The following ZBTB20 variants were observed in gnomAD, a reference collection of about 807,000 sequenced individuals.
The protein encoded by ZBTB20 is zinc finger and BTB domain-containing protein 20.
ZBTB20 carries 9 observed loss-of-function variants against 56.9 expected under a neutral mutation model. The ratio of observed to expected loss-of-function variants is 0.16; its 90% CI spans 0.10 to 0.28. The LOEUF is 0.28. Ranked by LOEUF, ZBTB20 falls within the 10% of genes least tolerant of loss-of-function variation. The pLI is 1.00. For synonymous variants in ZBTB20, 417 were observed against 420.7 expected, an observed-to-expected ratio of 0.99 and a Z score of 0.11; for missense variants, 655 against 1,003.0, an observed-to-expected ratio of 0.65 and a Z score of 4.69.
chr3:114,458,227 G>A (rs969096361), intron 7 of ZBTB20, among the ~76,000 whole-genome samples: 2 of 152,092 alleles, frequency 1.3e-5, no homozygotes, highest in Non-Finnish European at 2.9e-5. Flanking sequence ...TAATTACATC[G>A]TGTCTCTTTA....
At chr3:114,615,246 TTTTCC>T (rs1470191173) in intron 6 of ZBTB20, among the ~76,000 whole-genome samples, 62 of 152,356 alleles carry the variant, frequency 4.1e-4, no homozygotes, top group African/African-American at 1.4e-3. Flanking sequence ...TATAAATGTA[TTTTCC>T]TTAGAGTATA....
intron 6 of ZBTB20, among the ~76,000 whole-genome samples, chr3:114,622,564 T>C (rs1358077016): frequency 6.6e-6 from 1 of 152,192 alleles, no homozygotes; most frequent in East Asian, 1.9e-4. Context: ...CTGACAAACC[T>C]GATAAGGCTG....
intron 1 of ZBTB20, among the ~76,000 whole-genome samples, chr3:115,135,005 C>T (rs1400662317): frequency 1.3e-5 from 2 of 152,196 alleles, no homozygotes; most frequent in African/African-American, 4.8e-5. Context: ...TAGCAGCTAG[C>T]GACACTTCGG....
intron 6 of ZBTB20, among the ~76,000 whole-genome samples, chr3:114,548,708 G>A (rs1163983894): frequency 1.3e-5 from 2 of 151,808 alleles, no homozygotes; most frequent in Admixed American, 6.6e-5. Flanking sequence ...TAGTAGAGAC[G>A]GGGTTTCGCC....
intron 7 of ZBTB20, among the ~76,000 whole-genome samples, chr3:114,435,391 G>C (rs2090450479): frequency 6.6e-6 from 1 of 152,100 alleles, no homozygotes; most frequent in Non-Finnish European, 1.5e-5. Flanking sequence ...ACGAATGATT[G>C]ATATTTTGCC....
chr3:115,080,511 G>A (rs2082759712), intron 1 of ZBTB20, among the ~76,000 whole-genome samples: 1 of 152,154 alleles, frequency 6.6e-6, no homozygotes, highest in Non-Finnish European at 1.5e-5. Flanking sequence ...AAAAGAGCCT[G>A]TTTAGTATAG....
At chr3:114,677,377 T>G (rs1489512142) in intron 6 of ZBTB20, among the ~76,000 whole-genome samples, 3 of 152,170 alleles carry the variant, frequency 2.0e-5, no homozygotes, top group African/African-American at 7.2e-5. Context: ...CGGGAGGAGA[T>G]GAACAGTGGA....
In ZBTB20 at chr3:114,445,328, C is replaced by T. The variant is rs539505528; in HGVS notation, c.-255+55024G>A. Among the ~76,000 whole-genome samples, 16 of 152,276 alleles carry T rather than the reference C, an allele frequency of 1.1e-4. No individual in the cohort carries two copies. In the East Asian group the frequency reaches 1.5e-3, roughly 15 times the overall value. On this transcript the variant is annotated intron_variant, in intron 7 of 11. Transcript: ENST00000675478. Reference sequence around the variant, plus strand: ...TTTCCACATCTGTTAATTTTGCACCCAGCTATAGGGCTTTAAATAGCTCCC... The same window carrying T: ...TTTCCACATCTGTTAATTTTGCACCTAGCTATAGGGCTTTAAATAGCTCCC...
intron 6 of ZBTB20, among the ~76,000 whole-genome samples, chr3:114,632,298 T>A (rs1392694580): frequency 6.6e-6 from 1 of 152,074 alleles, no homozygotes; most frequent in African/African-American, 2.4e-5. Flanking sequence ...TATGCGTGAG[T>A]ACTGAGGATA....
chr3:114,765,809 G>T (rs906186041), intron 5 of ZBTB20, among the ~76,000 whole-genome samples: 1 of 151,954 alleles, frequency 6.6e-6, no homozygotes, highest in Non-Finnish European at 1.5e-5. Flanking sequence ...CACAAATATC[G>T]AAACAATAAA....
intron 7 of ZBTB20, among the ~76,000 whole-genome samples, chr3:114,426,186 A>G (rs2089640137): frequency 1.3e-5 from 2 of 151,864 alleles, no homozygotes; most frequent in Admixed American, 1.3e-4. Context: ...ATACAAAAAC[A>G]AAATTAGCTG....
rs1038165145 is a variant in ZBTB20, at chr3:114,319,543, C to T, written c.*19462G>A. The T allele has an allele frequency of 2.0e-5, 3 of 152,148 alleles. No homozygotes were observed. Among genetic ancestry groups the T allele is most frequent in the Non-Finnish European group, 4.4e-5 (3 of 68,034 alleles). 9.4% of individuals were successfully genotyped at this position (152,148 alleles called of 1,614,324 possible). A position where few individuals can be genotyped will look rare whatever the true frequency, so the allele number is the denominator to read the frequency against. ...AAAAATACCGCTGTTCTTCCCTTTA[C>T]TGTGCATTTGTATGGGTAAACGGGC... is the stretch of plus-strand genomic sequence containing the variant. On this transcript the variant is annotated 3_prime_UTR_variant, in exon 12 of 12. Coordinates refer to ENST00000675478, the MANE Select transcript of ZBTB20 (RefSeq NM_001348800.3).
rs563320699 is a variant in ZBTB20, at chr3:114,915,206, T to C, written c.-455-14864A>G. Among the ~76,000 whole-genome samples, 7 of 152,034 alleles carry C rather than the reference T, an allele frequency of 4.6e-5. No individual in the cohort carries two copies. The East Asian group carries it at 7.7e-4, about 17-fold the overall frequency. ...CAGTAAAGCGATCAGGTCCCAGGGT[T>C]TCCTTTGCTGAAGGACTTTTTATTA... On this transcript the variant is annotated intron_variant, in intron 3 of 11. Coordinates refer to ENST00000675478, the MANE Select transcript of ZBTB20 (RefSeq NM_001348800.3).
At chr3:114,811,400 G>A (rs1029684399) in intron 4 of ZBTB20, among the ~76,000 whole-genome samples, 1 of 152,094 alleles carries the variant, frequency 6.6e-6, no homozygotes, top group Admixed American at 6.5e-5. Context: ...GTTCCCTTGA[G>A]AATACACTTC....
intron 5 of ZBTB20, among the ~76,000 whole-genome samples, chr3:114,788,299 A>G (rs891318622): frequency 1.3e-5 from 2 of 152,078 alleles, no homozygotes; most frequent in African/African-American, 4.8e-5. Flanking sequence ...AACCACCTCC[A>G]TCTCTAGAAC....
At chr3:114,571,589 C>A (rs1228230533) in intron 6 of ZBTB20, among the ~76,000 whole-genome samples, 1 of 152,048 alleles carries the variant, frequency 6.6e-6, no homozygotes, top group Non-Finnish European at 1.5e-5. Flanking sequence ...GGTAGTCAAG[C>A]CACACAGCAT....
chr3:114,416,575 G>C (rs1320607504), intron 7 of ZBTB20, among the ~76,000 whole-genome samples: 1 of 152,024 alleles, frequency 6.6e-6, no homozygotes, highest in Non-Finnish European at 1.5e-5. Flanking sequence ...AGTGCTGACA[G>C]AGCTTCTCTT....
intron 5 of ZBTB20, chr3:114,710,270 C>T (rs1375623721): frequency 1.3e-5 from 2 of 152,130 alleles, no homozygotes; most frequent in Admixed American, 1.3e-4. Context: ...ATATTTACCT[C>T]CAAACATTCT....
At chr3:114,703,864 T>C (rs183774567) in intron 5 of ZBTB20, among the ~76,000 whole-genome samples, 7 of 152,308 alleles carry the variant, frequency 4.6e-5, no homozygotes, top group Non-Finnish European at 1.0e-4. Flanking sequence ...CATTTGTCTA[T>C]ATGTAGAAAT....
Sources: gnomAD v4.1 joint callset for allele counts (sites outside exome capture counted in the v4.1 genomes callset) on GRCh38, gnomAD v4.1.1 for gene constraint, MANE v1.5 for transcripts, NCBI Gene and HGNC (gene_info 2026-07-23, HGNC 2026-07-21) for gene names.